NRXN1: variants seen among roughly 807,000 people sequenced by gnomAD.
NRXN1 encodes neurexin-1.
A neutral mutation model predicts 150.9 loss-of-function variants in NRXN1; 39 were observed. That is an observed-to-expected ratio of 0.26 (90% CI 0.20 to 0.34). The LOEUF (loss-of-function observed/expected upper bound fraction) is 0.34. Ranked by LOEUF, NRXN1 falls within the 10% of genes least tolerant of loss-of-function variation. The probability of loss-of-function intolerance (pLI) is 1.00; values close to 1 mark genes in which losing one functional copy is unlikely to be tolerated. For missense variants in NRXN1, 1,815 were observed against 1,949.9 expected, an observed-to-expected ratio of 0.93 and a Z score of 1.30; for synonymous variants, 924 against 757.0, an observed-to-expected ratio of 1.22 and a Z score of -3.62.
chr2:50,652,801 G>T (rs1280065110), intron 5 of NRXN1, among the ~76,000 whole-genome samples: 2 of 151,994 alleles, frequency 1.3e-5, no homozygotes, highest in African/African-American at 4.8e-5. Context: ...TGCATTACTA[G>T]CAGCAATGTA....
chr2:51,029,540 T>C (rs1017964747), intron 1 of NRXN1, among the ~76,000 whole-genome samples: 1 of 152,248 alleles, frequency 6.6e-6, no homozygotes, highest in African/African-American at 2.4e-5. Flanking sequence ...TAAGGATTTC[T>C]ACCTATGTTG....
intron 19 of NRXN1, among the ~76,000 whole-genome samples, chr2:50,055,475 T>C (rs1693454126): frequency 6.6e-6 from 1 of 152,184 alleles, no homozygotes; most frequent in Non-Finnish European, 1.5e-5. Flanking sequence ...TAATTTATGA[T>C]CACCAAACTT....
chr2:50,386,879 GA>G (rs1572780742), intron 17 of NRXN1, among the ~76,000 whole-genome samples: 1 of 152,120 alleles, frequency 6.6e-6, no homozygotes, highest in African/African-American at 2.4e-5. Flanking sequence ...GCTGGACAAG[GA>G]ACTGGATGGT....
At chr2:50,801,801 A>T (rs941509592) in intron 5 of NRXN1, among the ~76,000 whole-genome samples, 4 of 152,214 alleles carry the variant, frequency 2.6e-5, no homozygotes, top group Admixed American at 6.5e-5. Flanking sequence ...GCTTCCAAAG[A>T]CAAAAATTTA....
At chr2:50,643,303 TG>T (rs1559064896) in intron 5 of NRXN1, among the ~76,000 whole-genome samples, 1 of 151,936 alleles carries the variant, frequency 6.6e-6, no homozygotes, top group African/African-American at 2.4e-5. Flanking sequence ...CTCAATAAAT[TG>T]TAAAAAAAAG....
At chr2:50,992,152 C>T (rs1174399414) in intron 2 of NRXN1, among the ~76,000 whole-genome samples, 1 of 151,906 alleles carries the variant, frequency 6.6e-6, no homozygotes, top group African/African-American at 2.4e-5. Flanking sequence ...TAAAGGTCTC[C>T]TCCAAAAGCT....
At chr2:50,753,164 ACTTTT>A (rs775994743) in intron 5 of NRXN1, among the ~76,000 whole-genome samples, 1 of 152,034 alleles carries the variant, frequency 6.6e-6, no homozygotes, top group African/African-American at 2.4e-5. Flanking sequence ...AATATATGTA[ACTTTT>A]CTTTATTTTA....
chr2:50,227,218 T>C (rs927430356), intron 18 of NRXN1, among the ~76,000 whole-genome samples: 13 of 152,016 alleles, frequency 8.6e-5, no homozygotes, highest in Non-Finnish European at 1.5e-4. Context: ...TTCCAGACGT[T>C]TGACTTTGCT....
chr2:50,391,344 T>A (rs533234082), intron 17 of NRXN1, among the ~76,000 whole-genome samples: 196 of 151,870 alleles, frequency 1.3e-3, no homozygotes, highest in African/African-American at 4.4e-3. Flanking sequence ...GAAAAAAAAA[T>A]AAAGCCTATA....
At chr2:50,424,158 G>A (rs1160897034) in intron 17 of NRXN1, among the ~76,000 whole-genome samples, 1 of 101,486 alleles carries the variant, frequency 9.9e-6, no homozygotes, top group African/African-American at 4.2e-5. Context: ...GGAGGAGGAA[G>A]GGGAGGAGGA....
chr2:50,785,360 T>C (rs550597264), intron 5 of NRXN1, among the ~76,000 whole-genome samples: 2 of 149,256 alleles, frequency 1.3e-5, no homozygotes, highest in South Asian at 4.3e-4. Context: ...GCCATTCTCC[T>C]GCCTCAGCCT....
intron 8 of NRXN1, among the ~76,000 whole-genome samples, chr2:50,618,172 A>C (rs540309874): frequency 1.3e-5 from 2 of 152,282 alleles, no homozygotes; most frequent in South Asian, 4.1e-4. Flanking sequence ...AAGTTGGTAC[A>C]GGTGATTGGG....
chr2:50,786,864 G>T (rs1423781792), intron 5 of NRXN1, among the ~76,000 whole-genome samples: 1 of 152,094 alleles, frequency 6.6e-6, no homozygotes, highest in African/African-American at 2.4e-5. Context: ...GCAGCACAGT[G>T]AAATAGAACA....
intron 18 of NRXN1, among the ~76,000 whole-genome samples, chr2:50,155,640 C>T (rs568671624): frequency 4.0e-5 from 6 of 151,072 alleles, no homozygotes; most frequent in Non-Finnish European, 8.9e-5. Context: ...TTTTTTCCAC[C>T]CTGACATTTA....
At chr2:50,893,871 T>C (rs897561509) in intron 5 of NRXN1, among the ~76,000 whole-genome samples, 2 of 152,148 alleles carry the variant, frequency 1.3e-5, no homozygotes, top group Admixed American at 6.5e-5. Flanking sequence ...TTTGTTCTTG[T>C]GATAGTTTAC....
intron 5 of NRXN1, among the ~76,000 whole-genome samples, chr2:50,809,917 A>G (rs1251100234): frequency 2.0e-5 from 3 of 152,202 alleles, no homozygotes; most frequent in Non-Finnish European, 4.4e-5. Flanking sequence ...TCAATTTTCT[A>G]TATAAAAAAT....
At chr2:50,482,146 C>A (rs1441463094) in intron 15 of NRXN1, among the ~76,000 whole-genome samples, 1 of 152,046 alleles carries the variant, frequency 6.6e-6, no homozygotes, top group Admixed American at 6.5e-5. Flanking sequence ...CTGAAACTTA[C>A]AACAGGAAGA....
intron 5 of NRXN1, among the ~76,000 whole-genome samples, chr2:50,745,819 C>T (rs189583596): frequency 1.2e-4 from 18 of 152,168 alleles, no homozygotes; most frequent in Admixed American, 1.0e-3. Context: ...GGGGAACTAC[C>T]CCCATGATTC....
At chr2:50,608,767 C>G (rs1239634356) in intron 8 of NRXN1, among the ~76,000 whole-genome samples, 2 of 152,084 alleles carry the variant, frequency 1.3e-5, no homozygotes, top group Non-Finnish European at 2.9e-5. Context: ...TCATATGAGA[C>G]TCTGCTTGGT....
Sources: gnomAD v4.1 joint callset for allele counts (sites outside exome capture counted in the v4.1 genomes callset) on GRCh38, gnomAD v4.1.1 for gene constraint, MANE v1.5 for transcripts, NCBI Gene and HGNC (gene_info 2026-07-23, HGNC 2026-07-21) for gene names.